The following ST6GAL1 variants were observed in gnomAD, a reference collection of about 807,000 sequenced individuals.
ST6GAL1 encodes beta-galactoside alpha-2,6-sialyltransferase 1.
A neutral mutation model predicts 38.0 loss-of-function variants in ST6GAL1; 20 were observed. The ratio of observed to expected loss-of-function variants is 0.53; its 90% CI spans 0.37 to 0.77. ST6GAL1 has a LOEUF of 0.77. Ranked by LOEUF, ST6GAL1 falls within the 30% of genes least tolerant of loss-of-function variation. The probability of loss-of-function intolerance (pLI) is 0.00; values close to 1 mark genes in which losing one functional copy is unlikely to be tolerated. For synonymous variants in ST6GAL1, 196 were observed against 188.2 expected, an observed-to-expected ratio of 1.04 and a Z score of -0.34; for missense variants, 432 against 496.4, an observed-to-expected ratio of 0.87 and a Z score of 1.23.
intron 2 of ST6GAL1, among the ~76,000 whole-genome samples, chr3:186,972,032 T>G (rs189590339): frequency 1.4e-4 from 21 of 152,340 alleles, no homozygotes; most frequent in African/African-American, 4.8e-4. Flanking sequence ...ATATTGCACT[T>G]CTTATGGACC....
chr3:186,972,574 AC>A (rs1715387384), intron 2 of ST6GAL1, among the ~76,000 whole-genome samples: 1 of 151,998 alleles, frequency 6.6e-6, no homozygotes, highest in African/African-American at 2.4e-5. Context: ...TGTGTACATT[AC>A]CTGCACTAGG....
chr3:186,934,793 G>T (rs540154694), intron 1 of ST6GAL1, among the ~76,000 whole-genome samples: 1 of 150,596 alleles, frequency 6.6e-6, no homozygotes, highest in Non-Finnish European at 1.5e-5. Context: ...TTCAGATGGC[G>T]TCTCGCTCTG....
At chr3:187,005,131 A>T (rs1716739430) in intron 2 of ST6GAL1, among the ~76,000 whole-genome samples, 1 of 152,054 alleles carries the variant, frequency 6.6e-6, no homozygotes, top group South Asian at 2.1e-4. Flanking sequence ...TGATGAGTTC[A>T]GGATTTGTTT....
At chr3:187,016,179 C>T (rs1717109782) in intron 2 of ST6GAL1, among the ~76,000 whole-genome samples, 1 of 152,182 alleles carries the variant, frequency 6.6e-6, no homozygotes, top group Non-Finnish European at 1.5e-5. Context: ...TGTCTAAAAC[C>T]ATTTTCTTGT....
In ST6GAL1 at chr3:187,076,303, C is replaced by T. The variant is rs2284750; in HGVS notation, c.*500C>T. The T allele has an allele frequency of 0.065, 10,458 of 160,848 alleles. 725 individuals carry two copies. Among genetic ancestry groups the T allele is most frequent in the East Asian group, 0.34 (1,833 of 5,344 alleles). The allele number at this position is 160,848 out of a possible 1,614,324, so 10.0% of individuals were successfully genotyped here. A position where few individuals can be genotyped will look rare whatever the true frequency, so the allele number is the denominator to read the frequency against. ...GGTACAGGGGATTGGAAACATGCTC[C>T]GCGCCTCCAGAGAAAAGTTGCTCCC... is the stretch of plus-strand genomic sequence containing the variant. On this transcript the variant is annotated 3_prime_UTR_variant, in exon 8 of 8. Transcript: ENST00000169298.
chr3:187,045,730 C>T (rs1718270748), intron 4 of ST6GAL1, among the ~76,000 whole-genome samples: 1 of 152,162 alleles, frequency 6.6e-6, no homozygotes, highest in South Asian at 2.1e-4. Context: ...ATAATTGTAG[C>T]TTCATAATAA....
chr3:187,069,106 T>TGGCC (rs990778015), intron 5 of ST6GAL1, among the ~76,000 whole-genome samples: 2 of 152,032 alleles, frequency 1.3e-5, no homozygotes, highest in Admixed American at 1.3e-4. Context: ...AGGGAACTCC[T>TGGCC]GGCCAGTAGT....
chr3:187,051,982 A>G (rs910879712), intron 5 of ST6GAL1, among the ~76,000 whole-genome samples: 5 of 152,180 alleles, frequency 3.3e-5, no homozygotes, highest in Non-Finnish European at 5.9e-5. Context: ...AAATTGCACA[A>G]TAGGGCTGCA....
rs546517304 is a variant in ST6GAL1, at chr3:186,981,043, A to C, written c.-183+17117A>C. On this transcript the variant is annotated intron_variant, in intron 2 of 7. Coordinates refer to ENST00000169298, the MANE Select transcript of ST6GAL1 (RefSeq NM_173216.2). ...GGCTTTGGGTGTGTTAATATTCTAGAAGAGGTGGAGTAGAGCAGCTATGCA... is the reference window on the plus strand; with the variant it reads ...GGCTTTGGGTGTGTTAATATTCTAGCAGAGGTGGAGTAGAGCAGCTATGCA... Among the ~76,000 whole-genome samples the C allele has an allele frequency of 4.6e-5, 7 of 152,322 alleles. No individual in the cohort carries two copies. The South Asian group carries it at 1.5e-3, about 32-fold the overall frequency.
rs966075598 is a variant in ST6GAL1, at chr3:187,051,143, A to T, written c.608-106A>T. On this transcript the variant is annotated intron_variant, in intron 4 of 7. Coordinates refer to ENST00000169298, the MANE Select transcript of ST6GAL1 (RefSeq NM_173216.2). Reference sequence around the variant, plus strand: ...CCCTGTGGATCATGATGGGGTAAAGATGGGGAAGCATTATTCCCTTGCCCC... The same window carrying T: ...CCCTGTGGATCATGATGGGGTAAAGTTGGGGAAGCATTATTCCCTTGCCCC... 1.8e-5 allele frequency: 17 copies of T among 946,520 alleles called. No homozygotes were observed. In the Middle Eastern group the frequency reaches 9.3e-4, roughly 52 times the overall value. The allele number at this position is 946,520 out of a possible 1,614,324, so 58.6% of individuals were successfully genotyped here.
chr3:187,011,878 A>T (rs1396777102), intron 2 of ST6GAL1, among the ~76,000 whole-genome samples: 1 of 152,222 alleles, frequency 6.6e-6, no homozygotes, highest in East Asian at 1.9e-4. Flanking sequence ...TATTTGATTC[A>T]GTGGAAATGC....
intron 5 of ST6GAL1, among the ~76,000 whole-genome samples, chr3:187,057,448 A>G (rs529958682): frequency 1.3e-5 from 2 of 151,990 alleles, no homozygotes; most frequent in South Asian, 4.2e-4. Context: ...AGTTTTATCT[A>G]CCTTTGGTTT....
intron 2 of ST6GAL1, among the ~76,000 whole-genome samples, chr3:187,035,878 C>A (rs1171550484): frequency 1.3e-5 from 2 of 152,016 alleles, no homozygotes; most frequent in African/African-American, 2.4e-5. Flanking sequence ...TTAAAAGCAA[C>A]TGCAACAGAA....
At chr3:186,967,047 AC>A (rs1715155982) in intron 2 of ST6GAL1, among the ~76,000 whole-genome samples, 1 of 152,126 alleles carries the variant, frequency 6.6e-6, no homozygotes, top group African/African-American at 2.4e-5. Flanking sequence ...GAGCTTCCAT[AC>A]TTCAAGGCTG....
At chr3:186,942,360 T>TAC (rs1714208552) in intron 1 of ST6GAL1, 1 of 152,206 alleles carries the variant, frequency 6.6e-6, no homozygotes, top group Non-Finnish European at 1.5e-5. Flanking sequence ...ATAAATACCT[T>TAC]ACGTACACTT....
intron 2 of ST6GAL1, among the ~76,000 whole-genome samples, chr3:187,034,831 T>C (rs1717874167): frequency 6.6e-6 from 1 of 152,174 alleles, no homozygotes; most frequent in Non-Finnish European, 1.5e-5. Flanking sequence ...AGCATTCTCC[T>C]TGAGAACTGA....
chr3:187,043,392 C>A, intron 4 of ST6GAL1, 82 bp downstream of exon 4: 1 of 1,536,520 alleles, frequency 6.5e-7, no homozygotes. Flanking sequence ...ACAAGTGGCC[C>A]AAGTGTGGCT....
intron 3 of ST6GAL1, among the ~76,000 whole-genome samples, chr3:187,041,372 C>A (rs1362177725): frequency 6.6e-6 from 1 of 152,078 alleles, no homozygotes; most frequent in East Asian, 1.9e-4. Context: ...TAGCAAAACC[C>A]CGGAGGTGAT....
chr3:186,950,320 A>C (rs16861339), intron 1 of ST6GAL1, among the ~76,000 whole-genome samples: 11 of 151,994 alleles, frequency 7.2e-5, no homozygotes, highest in African/African-American at 2.4e-4. Flanking sequence ...ATTTGATCCT[A>C]CTCAGTTTGG....
Sources: allele counts gnomAD v4.1 joint callset (sites outside exome capture counted in the v4.1 genomes callset), GRCh38; gene constraint gnomAD v4.1.1; transcripts MANE v1.5; gene names NCBI Gene and HGNC (gene_info 2026-07-23, HGNC 2026-07-21).